Variants in NAALADL2 observed in about 807,000 individuals in gnomAD.
NAALADL2 encodes the protein N-acetylated alpha-linked acidic dipeptidase like 2, also known as inactive N-acetylated-alpha-linked acidic dipeptidase-like protein 2.
Under a neutral mutation model 87.2 loss-of-function variants are expected in NAALADL2, and 76 were observed. The ratio of observed to expected loss-of-function variants is 0.87; its 90% confidence interval spans 0.72 to 1.05. NAALADL2 has a LOEUF of 1.05. NAALADL2 is among the 50% of genes least tolerant of loss of function. The pLI, the probability that NAALADL2 is intolerant of heterozygous loss-of-function variation, is 0.00. For synonymous variants in NAALADL2, 354 were observed against 331.0 expected (o/e 1.07, Z -0.75); for missense variants, 1,089 against 945.8 (o/e 1.15, Z -1.99).
intron 2 of NAALADL2, among the ~76,000 whole-genome samples, chr3:175,175,098 A>T (rs1288351847): frequency 1.3e-5 from 2 of 152,050 alleles, no homozygotes; most frequent in African/African-American, 4.8e-5. Context: ...TATTAAATTT[A>T]TACAAATTCT....
chr3:175,470,270 A>G (rs1055907951), intron 8 of NAALADL2, among the ~76,000 whole-genome samples: 1 of 152,070 alleles, frequency 6.6e-6, no homozygotes, highest in Non-Finnish European at 1.5e-5. Flanking sequence ...AAAATGGTCA[A>G]CTTCTATTAT....
intron 10 of NAALADL2, among the ~76,000 whole-genome samples, chr3:175,619,236 A>AAGGAAGGAAGG (rs1560860663): frequency 2.8e-5 from 4 of 142,410 alleles, no homozygotes; most frequent in African/African-American, 7.9e-5. Flanking sequence ...AGAAAGAAAG[A>AAGGAAGGAAGG]AAGGAAGGAA....
At position 175,174,520 on chromosome 3, in the gene NAALADL2, A is replaced by AT. The variant is rs558626920; in HGVS notation, c.546-59411_546-59410insT. ...AAATGAAAAAAATTATATTCTGATAAAAGAAATAAAAAGAAATTTTCTTGT... is the reference window on the plus strand; with the variant it reads ...AAATGAAAAAAATTATATTCTGATAATAAGAAATAAAAAGAAATTTTCTTGT... On this transcript the variant is annotated intron_variant, in intron 2 of 13. Transcript: ENST00000454872. Among the ~76,000 whole-genome samples the AT allele has an allele frequency of 1.0e-3, 155 of 152,184 alleles. 3 individuals are homozygous for AT. The highest frequency in any genetic ancestry group is 5.0e-3 in the South Asian group (24 of 4,830).
intron 1 of NAALADL2, among the ~76,000 whole-genome samples, chr3:175,001,275 C>T (rs887455309): frequency 6.6e-6 from 1 of 152,190 alleles, no homozygotes; most frequent in East Asian, 1.9e-4. Context: ...GTATTTCTGA[C>T]AAGCTCTTAG....
chr3:174,760,334 A>G (rs1043175729), intron 3 of NAALADL2, among the ~76,000 whole-genome samples: 2 of 152,224 alleles, frequency 1.3e-5, no homozygotes, highest in Admixed American at 1.3e-4. Context: ...TCAGTGAAAT[A>G]TGAAAAGCCA....
At chr3:175,229,896 G>A (rs1255027378) in intron 2 of NAALADL2, among the ~76,000 whole-genome samples, 1 of 151,940 alleles carries the variant, frequency 6.6e-6, no homozygotes, top group Non-Finnish European at 1.5e-5. Context: ...ATTTCCTGAT[G>A]AACAAGTAGT....
chr3:175,282,048 A>G (rs1351588120), intron 4 of NAALADL2, among the ~76,000 whole-genome samples: 1 of 152,050 alleles, frequency 6.6e-6, no homozygotes, highest in Non-Finnish European at 1.5e-5. Context: ...CACCAAAATT[A>G]AGGAATGATT....
intron 3 of NAALADL2, among the ~76,000 whole-genome samples, chr3:174,762,164 CT>C (rs991852054): frequency 6.7e-6 from 1 of 148,958 alleles, no homozygotes; most frequent in Admixed American, 6.7e-5. Context: ...CGTTTTCTTG[CT>C]TTTTTTTCTT....
chr3:175,104,309 G>A (rs1369060137), intron 2 of NAALADL2, among the ~76,000 whole-genome samples: 1 of 152,146 alleles, frequency 6.6e-6, no homozygotes, highest in Non-Finnish European at 1.5e-5. Context: ...AAGAACCACA[G>A]AGTGTTTTTA....
At chr3:175,355,020 A>ATGTGTGTGTGTGTGTG (rs1325977007) in intron 5 of NAALADL2, among the ~76,000 whole-genome samples, 21 of 100,656 alleles carry the variant, frequency 2.1e-4, no homozygotes, top group African/African-American at 8.3e-4. Flanking sequence ...TGCTATATAT[A>ATGTGTGTGTGTGTGTG]TATGTGTGTG....
intron 1 of NAALADL2, among the ~76,000 whole-genome samples, chr3:174,547,802 G>T (rs976735002): frequency 6.6e-6 from 1 of 152,128 alleles, no homozygotes; most frequent in African/African-American, 2.4e-5. Flanking sequence ...TCAGATTAAA[G>T]AAAAGTTAAC....
chr3:175,712,751 A>G (rs1740703417), intron 11 of NAALADL2, among the ~76,000 whole-genome samples: 1 of 152,070 alleles, frequency 6.6e-6, no homozygotes, highest in Non-Finnish European at 1.5e-5. Flanking sequence ...CTCAGTCTCC[A>G]AAACTGTTAG....
chr3:174,946,293 A>G (rs1284633621), intron 1 of NAALADL2, among the ~76,000 whole-genome samples: 1 of 152,096 alleles, frequency 6.6e-6, no homozygotes, highest in Non-Finnish European at 1.5e-5. Flanking sequence ...AGGCCAATGT[A>G]TGTTTGGTCT....
intron 3 of NAALADL2, among the ~76,000 whole-genome samples, chr3:174,743,351 A>C (rs1046288638): frequency 2.0e-5 from 3 of 151,564 alleles, no homozygotes; most frequent in African/African-American, 7.3e-5. Context: ...TGTAAGTGAA[A>C]CCTCTCTGTT....
chr3:175,210,679 A>C (rs544890235), intron 2 of NAALADL2, among the ~76,000 whole-genome samples: 1 of 151,570 alleles, frequency 6.6e-6, no homozygotes, highest in African/African-American at 2.4e-5. Flanking sequence ...AGGTTTAAAA[A>C]CTTCCCTCAA....
At chr3:175,242,319 A>G (rs2109625340) in intron 3 of NAALADL2, 1 of 152,328 alleles carries the variant, frequency 6.6e-6, no homozygotes, top group Admixed American at 6.5e-5. Flanking sequence ...TTCTTAGCAG[A>G]TACATGTTTT....
At chr3:174,540,684 C>A (rs1215281740) in intron 1 of NAALADL2, 1 of 152,190 alleles carries the variant, frequency 6.6e-6, no homozygotes, top group Non-Finnish European at 1.5e-5. Flanking sequence ...TACCTCACTT[C>A]ATGCTAACAT....
chr3:175,207,750 T>A (rs1219447682), intron 2 of NAALADL2, among the ~76,000 whole-genome samples: 1 of 152,132 alleles, frequency 6.6e-6, no homozygotes, highest in Non-Finnish European at 1.5e-5. Flanking sequence ...TCCTTTTATA[T>A]GATGTTTAAA....
chr3:174,569,503 C>T (rs889430622), intron 2 of NAALADL2, among the ~76,000 whole-genome samples: 5 of 152,062 alleles, frequency 3.3e-5, no homozygotes, highest in African/African-American at 4.8e-5. Flanking sequence ...TCCTCTCTGT[C>T]ATTTTAGGAT....
Sources: gnomAD v4.1 joint callset for allele counts (sites outside exome capture counted in the v4.1 genomes callset) on GRCh38, gnomAD v4.1.1 for gene constraint, MANE v1.5 for transcripts, NCBI Gene and HGNC (gene_info 2026-07-23, HGNC 2026-07-21) for gene names.